The following PAQR8 variants were observed in gnomAD, a reference collection of about 807,000 sequenced individuals.
PAQR8 encodes membrane progestin receptor beta.
A neutral mutation model predicts 25.2 loss-of-function variants in PAQR8; 17 were observed. That is an observed-to-expected ratio of 0.67 (90% CI 0.46 to 1.01). The LOEUF (loss-of-function observed/expected upper bound fraction) is 1.01. Ranked by LOEUF, PAQR8 falls within the 50% of genes least tolerant of loss-of-function variation. The pLI is 0.00. For synonymous variants in PAQR8, 204 were observed against 190.6 expected, an observed-to-expected ratio of 1.07 and a Z score of -0.58; for missense variants, 392 against 448.4, an observed-to-expected ratio of 0.87 and a Z score of 1.14.
chr6:52,383,660 CA>C (rs57004196), intron 1 of PAQR8, among the ~76,000 whole-genome samples: 34,832 of 127,752 alleles, frequency 0.27, 4,698 homozygotes, highest in South Asian at 0.44. Context: ...GAGTCCGTCT[CA>C]AAAAAAAAAA....
At chr6:52,395,379 C>G (rs1021945723) in intron 1 of PAQR8, among the ~76,000 whole-genome samples, 1 of 151,214 alleles carries the variant, frequency 6.6e-6, no homozygotes, top group African/African-American at 2.4e-5. Context: ...GGTACATATA[C>G]TCAGTAAATA....
At chr6:52,386,620 G>T (rs1397193798) in intron 1 of PAQR8, among the ~76,000 whole-genome samples, 2 of 152,148 alleles carry the variant, frequency 1.3e-5, no homozygotes, top group Non-Finnish European at 2.9e-5. Flanking sequence ...GCTAAACATT[G>T]GGTATACATG....
At chr6:52,381,387 T>C (rs1458448811) in intron 1 of PAQR8, among the ~76,000 whole-genome samples, 8 of 152,202 alleles carry the variant, frequency 5.3e-5, no homozygotes. Context: ...GCGGGTGGAA[T>C]GATTGAGCCC....
chr6:52,403,332 C>A lies in PAQR8; in HGVS notation c.119C>A (p.Thr40Lys). 1 of 1,614,248 alleles carries A rather than the reference C, an allele frequency of 6.2e-7. No homozygotes were observed. The highest frequency in any genetic ancestry group is 8.5e-7 in the Non-Finnish European group (1 of 1,180,048). Residue 40 changes from threonine (T) to lysine (K), a missense_variant, in exon 2 of 2, where the codon ACG becomes AAG. Coordinates refer to ENST00000442253, the MANE Select transcript of PAQR8 (RefSeq NM_133367.5). Reference protein sequence around the residue: ...LPKMPCTVPETDVPQLFREPY... With the variant: ...LPKMPCTVPEKDVPQLFREPY... The stretch of plus-strand genomic sequence containing the variant: ...AAGATGCCTTGCACTGTCCCAGAAA[C>A]GGATGTGCCCCAGCTCTTCCGGGAG...
intron 1 of PAQR8, among the ~76,000 whole-genome samples, chr6:52,364,898 C>T (rs533044059): frequency 3.9e-5 from 6 of 152,302 alleles, no homozygotes; most frequent in African/African-American, 1.4e-4. Flanking sequence ...TTGAGTACAA[C>T]ATTTAACTCC....
chr6:52,402,923 A>T (rs181846924), intron 1 of PAQR8, among the ~76,000 whole-genome samples: 56 of 152,286 alleles, frequency 3.7e-4, no homozygotes, highest in African/African-American at 1.3e-3. Flanking sequence ...CAACAACAGC[A>T]GCAACAAAAA....
At chr6:52,384,025 G>C (rs922080712) in intron 1 of PAQR8, among the ~76,000 whole-genome samples, 12 of 152,194 alleles carry the variant, frequency 7.9e-5, no homozygotes, top group Admixed American at 6.5e-4. Context: ...GTGAAAAAAA[G>C]GGACAGGTTT....
At position 52,406,449 on chromosome 6, in the gene PAQR8, A is replaced by G. The variant is rs997755704; in HGVS notation, c.*2171A>G. The G allele has an allele frequency of 7.3e-6, 3 of 413,510 alleles. No homozygotes were observed. Among genetic ancestry groups the G allele is most frequent in the Middle Eastern group, 6.3e-4 (1 of 1,590 alleles). 25.6% of individuals were successfully genotyped at this position (413,510 alleles called of 1,614,324 possible). A position where few individuals can be genotyped will look rare whatever the true frequency, so the allele number is the denominator to read the frequency against. On this transcript the variant is annotated 3_prime_UTR_variant, in exon 2 of 2. Transcript: ENST00000442253. ...CAGATGGGTGCACAGACCAGTGCCA[A>G]TCTGAACATTGTTAATGGCCTGTGA...
At chr6:52,377,467 G>A (rs1763498286) in intron 1 of PAQR8, among the ~76,000 whole-genome samples, 1 of 152,092 alleles carries the variant, frequency 6.6e-6, no homozygotes, top group African/African-American at 2.4e-5. Flanking sequence ...TATGATTGAT[G>A]TACCTTGTTG....
intron 1 of PAQR8, among the ~76,000 whole-genome samples, chr6:52,383,553 T>G (rs937507186): frequency 6.7e-6 from 1 of 149,444 alleles, no homozygotes; most frequent in Non-Finnish European, 1.5e-5. Context: ...CCCAGCTACT[T>G]GGGAGGCTGA....
At chr6:52,403,114 C>T in intron 1 of PAQR8, 48 bp from the exon 2 acceptor site, 1 of 947,650 alleles carries the variant, frequency 1.1e-6, no homozygotes, top group South Asian at 1.7e-5. Flanking sequence ...GTCTTAGCTG[C>T]ATTCGTGTCT....
chr6:52,390,546 G>A (rs1291959840), intron 1 of PAQR8, among the ~76,000 whole-genome samples: 1 of 151,908 alleles, frequency 6.6e-6, no homozygotes, highest in Non-Finnish European at 1.5e-5. Flanking sequence ...TTTTTTATAG[G>A]CACGGTTCAG....
Position 52,403,476 on chromosome 6 carries a change from C to T in PAQR8, c.263C>T (p.Ala88Val), listed in dbSNP as rs1763864777. Reference sequence around the variant, plus strand: ...TGGACCCATTTACTGGCAGCCCTGGCCGTCCTCTTGCGATTCTGGGCCTTT... The same window carrying T: ...TGGACCCATTTACTGGCAGCCCTGGTCGTCCTCTTGCGATTCTGGGCCTTT... ...NVWTHLLAAL[A>V]VLLRFWAFAE... Residue 88 changes from alanine (A) to valine (V), a missense_variant, in exon 2 of 2, where the codon GCC (alanine) becomes GTC (valine). By Grantham distance (64) the Ala-to-Val change is moderately conservative. Transcript: ENST00000442253. The T allele has an allele frequency of 6.2e-7, 1 of 1,614,162 alleles. No homozygotes were observed. Among genetic ancestry groups the T allele is most frequent in the Non-Finnish European group, 8.5e-7 (1 of 1,180,044 alleles).
chr6:52,399,796 G>A (rs1763810133), intron 1 of PAQR8, among the ~76,000 whole-genome samples: 2 of 152,110 alleles, frequency 1.3e-5, no homozygotes, highest in Admixed American at 6.5e-5. Flanking sequence ...AAAGAATAGA[G>A]CACTTTAATT....
In PAQR8 at chr6:52,407,208, AAAACT is replaced by A. The variant is rs1344730274; in HGVS notation, c.*2937_*2941del. Reference sequence around the variant, plus strand: ...CTATGAAAATGTAAATACCTTTGAAAAAACTAAACTATCAGTCATTTACATCCTCT... The same window carrying A: ...CTATGAAAATGTAAATACCTTTGAAAAAACTATCAGTCATTTACATCCTCT... On this transcript the variant is annotated 3_prime_UTR_variant, in exon 2 of 2. Transcript: ENST00000442253. 1 of 167,062 alleles carries A rather than the reference AAAACT, an allele frequency of 6.0e-6. No individual in the cohort carries two copies. The highest frequency in any genetic ancestry group is 1.5e-5 in the Non-Finnish European group (1 of 68,126). The allele number at this position is 167,062 out of a possible 1,614,324, so 10.3% of individuals were successfully genotyped here. A position where few individuals can be genotyped will look rare whatever the true frequency, so the allele number is the denominator to read the frequency against.
chr6:52,395,323 A>G (rs1393503660), intron 1 of PAQR8, among the ~76,000 whole-genome samples: 1 of 151,572 alleles, frequency 6.6e-6, no homozygotes, highest in East Asian at 1.9e-4. Flanking sequence ...GCAAGGCATT[A>G]TTCAACATTT....
intron 1 of PAQR8, among the ~76,000 whole-genome samples, chr6:52,375,040 GTTT>G (rs1562428102): frequency 6.6e-6 from 1 of 151,880 alleles, no homozygotes. Flanking sequence ...TTTTGAAATA[GTTT>G]TTTATTATTG....
At chr6:52,391,018 A>G (rs1763701909) in intron 1 of PAQR8, among the ~76,000 whole-genome samples, 1 of 152,240 alleles carries the variant, frequency 6.6e-6, no homozygotes, top group African/African-American at 2.4e-5. Context: ...TAGTATTTCC[A>G]GAAGAAAAGT....
chr6:52,366,404 TCTC>T (rs1763354457), intron 1 of PAQR8, among the ~76,000 whole-genome samples: 1 of 152,158 alleles, frequency 6.6e-6, no homozygotes, highest in Admixed American at 6.5e-5. Context: ...AAAAGCTTCT[TCTC>T]CTAATGGCCT....
Sources: allele counts gnomAD v4.1 joint callset (sites outside exome capture counted in the v4.1 genomes callset), GRCh38; gene constraint gnomAD v4.1.1; transcripts MANE v1.5; gene names NCBI Gene and HGNC (gene_info 2026-07-23, HGNC 2026-07-21).